Variants in DUSP22 observed in about 807,000 individuals in gnomAD.
DUSP22 encodes the protein dual specificity phosphatase 22, also known as dual specificity protein phosphatase 22.
In DUSP22, 24 loss-of-function variants were observed where a neutral mutation model predicts 24.5. That is an observed-to-expected ratio of 0.98 (90% CI 0.71 to 1.38). The LOEUF (loss-of-function observed/expected upper bound fraction) is 1.38. Ranked by LOEUF, DUSP22 falls within the 40% of genes most tolerant of loss-of-function variation. The pLI is 0.00. For missense variants in DUSP22, 330 were observed against 269.2 expected, an observed-to-expected ratio of 1.23 and a Z score of -1.58; for synonymous variants, 160 against 106.4, an observed-to-expected ratio of 1.50 and a Z score of -3.10.
At position 304,703 on chromosome 6, in the gene DUSP22, A is replaced by C. The variant is rs775017735; in HGVS notation, c.55+42A>C. ...TTATTGTTGTGATAAAATACACATA[A>C]CATAAAATGTGTCATCTTGACCATT... On this transcript the variant is annotated intron_variant, in intron 2 of 6. Coordinates refer to ENST00000419235, the MANE Select transcript of DUSP22 (RefSeq NM_001286555.3). 16 of 1,610,906 alleles carry C rather than the reference A, an allele frequency of 9.9e-6. No individual in the cohort carries two copies. In the South Asian group the frequency reaches 1.8e-4, roughly 18 times the overall value.
At chr6:303,395 A>G (rs1757672438) in intron 1 of DUSP22, among the ~76,000 whole-genome samples, 1 of 152,306 alleles carries the variant, frequency 6.6e-6, no homozygotes, top group African/African-American at 2.4e-5. Context: ...CTCTGGGCCT[A>G]GCACTGCCGC....
chr6:321,038 T>G (rs796369383), intron 3 of DUSP22, among the ~76,000 whole-genome samples: 12 of 152,410 alleles, frequency 7.9e-5, no homozygotes, highest in African/African-American at 2.9e-4. Flanking sequence ...GGGAGGCGGC[T>G]AACACTGCAG....
intron 3 of DUSP22, among the ~76,000 whole-genome samples, chr6:331,708 G>A (rs1237706983): frequency 1.3e-5 from 2 of 152,304 alleles, no homozygotes; most frequent in African/African-American, 4.8e-5. Context: ...ACATGTGCAG[G>A]TATCTGAAGC....
intron 3 of DUSP22, among the ~76,000 whole-genome samples, chr6:319,731 G>A (rs1758507365): frequency 6.6e-6 from 1 of 152,308 alleles, no homozygotes. Flanking sequence ...GTTTGACCTG[G>A]AATGGTTTTC....
chr6:322,515 C>T (rs533608364), intron 3 of DUSP22, among the ~76,000 whole-genome samples: 21 of 152,410 alleles, frequency 1.4e-4, no homozygotes, highest in Admixed American at 2.6e-4. Flanking sequence ...AGAAGACCCT[C>T]GTGTTTGGCT....
rs1760113068 is a variant in DUSP22 at position 349,942 on chromosome 6, G to T, written c.*991G>T. 3 of 985,870 alleles carry T rather than the reference G, an allele frequency of 3.0e-6. No homozygotes were observed. Among genetic ancestry groups the T allele is most frequent in the East Asian group, 1.1e-4 (1 of 8,836 alleles). 61.1% of individuals were successfully genotyped at this position (985,870 alleles called of 1,614,324 possible). On this transcript the variant is annotated 3_prime_UTR_variant, in exon 7 of 7. Transcript: ENST00000419235. ...CCCAGCCTCTCGCTGTCCTCACTTT[G>T]CAGGGGCTCCTCCTCAACATTTGCA...
At chr6:341,203 G>T (rs966056492) in intron 4 of DUSP22, among the ~76,000 whole-genome samples, 1 of 152,304 alleles carries the variant, frequency 6.6e-6, no homozygotes, top group Non-Finnish European at 1.5e-5. Context: ...GTGCTTCCTT[G>T]TGCAGCATTC....
At position 312,114 on chromosome 6, in the gene DUSP22, GT is replaced by G; in HGVS notation, c.138+154del. On this transcript the variant is annotated intron_variant, in intron 3 of 6. Coordinates refer to ENST00000419235, the MANE Select transcript of DUSP22 (RefSeq NM_001286555.3). ...CCCATTGTGTTCAGGCCGTGTTGATGTTAACACGCTGTCTGTAGCGTGGCGC... is the reference window on the plus strand; with the variant it reads ...CCCATTGTGTTCAGGCCGTGTTGATGTAACACGCTGTCTGTAGCGTGGCGC... The G allele has an allele frequency of 4.6e-6, 4 of 860,350 alleles. No homozygotes were observed. The South Asian group carries it at 7.5e-5, about 16-fold the overall frequency. 53.3% of individuals were successfully genotyped at this position (860,350 alleles called of 1,614,324 possible).
At chr6:309,691 CACACACACACACACACACACACACACAT>C (rs1757978619) in intron 2 of DUSP22, among the ~76,000 whole-genome samples, 3 of 77,108 alleles carry the variant, frequency 3.9e-5, no homozygotes, top group African/African-American at 7.7e-5. Context: ...CACACACACA[CACACACACACACACACACACACACACAT>C]ACTATAAAGA....
At chr6:314,120 C>T (rs1193811274) in intron 3 of DUSP22, among the ~76,000 whole-genome samples, 1 of 152,300 alleles carries the variant, frequency 6.6e-6, no homozygotes, top group African/African-American at 2.4e-5. Flanking sequence ...AGAAATGGGG[C>T]AGGGAATGAA....
Position 311,945 on chromosome 6 carries a change from G to T in DUSP22, c.121G>T (p.Ala41Ser). ...VTHILSVHDS[A>S]RPMLEGVKYL... Reference sequence around the variant, plus strand: ...ACATATTCTGTCTGTCCACGATAGTGCCAGGCCTATGTTGGAGGTAAGAGA... The same window carrying T: ...ACATATTCTGTCTGTCCACGATAGTTCCAGGCCTATGTTGGAGGTAAGAGA... The change falls in exon 3 of 7, where the codon GCC becomes TCC. Residue 41 changes from alanine (A) to serine (S), a missense_variant. Ala to Ser is a moderately conservative substitution (Grantham distance 99). Coordinates refer to ENST00000419235, the MANE Select transcript of DUSP22 (RefSeq NM_001286555.3). 1 of 1,612,270 alleles carries T rather than the reference G, an allele frequency of 6.2e-7. No homozygotes were observed. Among genetic ancestry groups the T allele is most frequent in the Non-Finnish European group, 8.5e-7 (1 of 1,178,920 alleles).
At chr6:342,740 G>C (rs1376593490) in intron 4 of DUSP22, among the ~76,000 whole-genome samples, 1 of 152,006 alleles carries the variant, frequency 6.6e-6, no homozygotes, top group Non-Finnish European at 1.5e-5. Flanking sequence ...CCGGAGGTCA[G>C]GGGCAGAGAT....
intron 3 of DUSP22, among the ~76,000 whole-genome samples, chr6:314,700 C>G (rs1156382766): frequency 1.3e-5 from 2 of 152,308 alleles, no homozygotes; most frequent in Non-Finnish European, 2.9e-5. Context: ...CATGTATCAG[C>G]CTTTGTGAGC....
chr6:294,362 G>A lies in DUSP22; in HGVS notation c.21+1802G>A, dbSNP rs527236798. On this transcript the variant is annotated intron_variant, in intron 1 of 6. Coordinates refer to ENST00000419235, the MANE Select transcript of DUSP22 (RefSeq NM_001286555.3). ...TGTTGTGCTAGTGGGTGGGGAGGGG[G>A]CAAAGGGAGTACAGTGGTAAATGAC... Among the ~76,000 whole-genome samples the A allele has an allele frequency of 7.0e-3, 1,069 of 152,052 alleles. 2 individuals carry two copies. The highest frequency in any genetic ancestry group is 0.025 in the African/African-American group (1,013 of 41,306).
intron 4 of DUSP22, among the ~76,000 whole-genome samples, chr6:339,599 A>G (rs1422305246): frequency 6.6e-6 from 1 of 152,280 alleles, no homozygotes; most frequent in African/African-American, 2.4e-5. Context: ...CTGCCAGGCT[A>G]TGGAGTCGGT....
intron 2 of DUSP22, 117 bp downstream of exon 2, chr6:304,778 C>T: frequency 1.4e-6 from 2 of 1,388,946 alleles, no homozygotes; most frequent in Non-Finnish European, 2.0e-6. Context: ...GCTGTGCAGC[C>T]ATCACCAACA....
chr6:316,541 T>C (rs147015787), intron 3 of DUSP22, among the ~76,000 whole-genome samples: 2 of 152,248 alleles, frequency 1.3e-5, no homozygotes, highest in Non-Finnish European at 2.9e-5. Context: ...TGGTGAAAAC[T>C]CCTATTGCAA....
In DUSP22 at chr6:350,434, C is replaced by T. The variant is rs1368895228; in HGVS notation, c.*1483C>T. ...TCGACCTCTCCCTAAAAAGATGTTG[C>T]AACCCAGTTTCTCTGAATTCCACCA... On this transcript the variant is annotated 3_prime_UTR_variant, in exon 7 of 7. Coordinates refer to ENST00000419235, the MANE Select transcript of DUSP22 (RefSeq NM_001286555.3). The T allele has an allele frequency of 2.7e-6, 3 of 1,123,386 alleles. No individual in the cohort carries two copies. Among genetic ancestry groups the T allele is most frequent in the South Asian group, 4.7e-5 (2 of 42,170 alleles). 69.6% of individuals were successfully genotyped at this position (1,123,386 alleles called of 1,614,324 possible).
At chr6:327,299 C>T (rs369780668) in intron 3 of DUSP22, among the ~76,000 whole-genome samples, 145 of 152,366 alleles carry the variant, frequency 9.5e-4, no homozygotes, top group African/African-American at 3.3e-3. Context: ...GTGCACTCAC[C>T]ACGTCCAGCA....
Sources: gnomAD v4.1 joint callset for allele counts (sites outside exome capture counted in the v4.1 genomes callset) on GRCh38, gnomAD v4.1.1 for gene constraint, MANE v1.5 for transcripts, NCBI Gene and HGNC (gene_info 2026-07-23, HGNC 2026-07-21) for gene names.